Variants in BFSP2 observed in about 807,000 individuals in gnomAD.
BFSP2 encodes the protein beaded filament structural protein 2, also known as phakinin.
In BFSP2, 38 loss-of-function variants were observed where a neutral mutation model predicts 44.9. The observed-to-expected ratio is 0.85, with a 90% CI of 0.65 to 1.11. The LOEUF is 1.11. Ranked by LOEUF, BFSP2 falls within the 50% of genes least tolerant of loss-of-function variation. The probability of loss-of-function intolerance (pLI) is 0.00; values close to 1 mark genes in which losing one functional copy is unlikely to be tolerated. For missense variants in BFSP2, 525 were observed against 533.0 expected, an observed-to-expected ratio of 0.99 and a Z score of 0.15; for synonymous variants, 197 against 209.9, an observed-to-expected ratio of 0.94 and a Z score of 0.53.
At chr3:133,474,891 C>T (rs1324003760) in intron 6 of BFSP2, 78 bp from the exon 7 acceptor site, 4 of 1,572,282 alleles carry the variant, frequency 2.5e-6, no homozygotes, top group Non-Finnish European at 3.5e-6. Flanking sequence ...AGATGGCCCC[C>T]TTTCTCGTAA....
intron 1 of BFSP2, among the ~76,000 whole-genome samples, chr3:133,433,485 T>C (rs1190555942): frequency 1.3e-5 from 2 of 152,276 alleles, no homozygotes; most frequent in East Asian, 3.9e-4. Flanking sequence ...CTCGAGGATT[T>C]GCCCCCACCC....
At chr3:133,423,336 G>A (rs1386471589) in intron 1 of BFSP2, among the ~76,000 whole-genome samples, 1 of 152,122 alleles carries the variant, frequency 6.6e-6, no homozygotes, top group East Asian at 1.9e-4. Context: ...CCAACGTCCT[G>A]TACTATTCAC....
At chr3:133,429,111 A>C (rs1195927389) in intron 1 of BFSP2, among the ~76,000 whole-genome samples, 2 of 143,038 alleles carry the variant, frequency 1.4e-5, no homozygotes, top group African/African-American at 2.6e-5. Context: ...TTCCACCCCC[A>C]CCCCCCCAGA....
At chr3:133,407,477 TTTTAAAA>T (rs2073414204) in intron 1 of BFSP2, among the ~76,000 whole-genome samples, 1 of 152,194 alleles carries the variant, frequency 6.6e-6, no homozygotes, top group South Asian at 2.1e-4. Context: ...CAATCCTAAT[TTTTAAAA>T]TTCCATTTTT....
At chr3:133,425,946 G>C (rs553859746) in intron 1 of BFSP2, among the ~76,000 whole-genome samples, 9 of 2,702 alleles carry the variant, frequency 3.3e-3, no homozygotes, top group African/African-American at 0.012. Flanking sequence ...CAAGGGAAGG[G>C]AGGGGAGGGG....
At chr3:133,411,119 A>T (rs906461953) in intron 1 of BFSP2, among the ~76,000 whole-genome samples, 49 of 152,134 alleles carry the variant, frequency 3.2e-4, no homozygotes, top group African/African-American at 1.1e-3. Context: ...TTTTAAAAGA[A>T]TATTATTAAG....
Position 133,472,461 on chromosome 3 carries a change from G to A in BFSP2, c.1140G>A (p.Glu380=). ...LEAELREIRA[E]AEQQQQERAH... is the part of the protein sequence containing the mutation. ...CGGAGCTCAGGGAAATCCGAGCGGA[G>A]GCGGAGCAGCAGCAACAGGAGCGCG... The change falls in exon 6 of 7, where the codon GAG becomes GAA. Residue 380 remains glutamate, a synonymous_variant. Coordinates refer to ENST00000302334, the MANE Select transcript of BFSP2 (RefSeq NM_003571.4). The A allele has an allele frequency of 6.2e-7, 1 of 1,614,046 alleles. No individual in the cohort carries two copies. Among genetic ancestry groups the A allele is most frequent in the Non-Finnish European group, 8.5e-7 (1 of 1,180,036 alleles).
intron 4 of BFSP2, among the ~76,000 whole-genome samples, chr3:133,459,967 A>T (rs1275423564): frequency 1.3e-5 from 2 of 151,940 alleles, no homozygotes; most frequent in African/African-American, 4.9e-5. Flanking sequence ...AGCACATTCT[A>T]GGTGTAAAAA....
intron 3 of BFSP2, chr3:133,449,006 G>A: frequency 4.0e-6 from 1 of 248,762 alleles, no homozygotes; most frequent in Non-Finnish European, 7.9e-6. Context: ...CAACTCTGAG[G>A]GTAGATCCAA....
chr3:133,459,019 AT>A (rs2074038388), intron 4 of BFSP2, among the ~76,000 whole-genome samples: 2 of 152,176 alleles, frequency 1.3e-5, no homozygotes, highest in South Asian at 4.2e-4. Context: ...TACCTTAGAT[AT>A]TTTTTAACAG....
intron 1 of BFSP2, among the ~76,000 whole-genome samples, chr3:133,430,967 G>A (rs2073710418): frequency 6.6e-6 from 1 of 152,036 alleles, no homozygotes; most frequent in African/African-American, 2.4e-5. Context: ...CTCTTAAAAA[G>A]GTGGCTGGAG....
intron 1 of BFSP2, among the ~76,000 whole-genome samples, chr3:133,416,548 T>C (rs1246293172): frequency 1.2e-4 from 15 of 127,356 alleles, no homozygotes; most frequent in South Asian, 2.9e-4. Context: ...CATCCCTCTA[T>C]ACACCCTGCC....
intron 4 of BFSP2, among the ~76,000 whole-genome samples, chr3:133,456,376 C>T (rs1056462603): frequency 3.3e-5 from 5 of 152,134 alleles, no homozygotes; most frequent in Non-Finnish European, 7.3e-5. Context: ...CATCTAAAGC[C>T]GGGCCATCTA....
intron 1 of BFSP2, among the ~76,000 whole-genome samples, chr3:133,432,177 A>G (rs1228268233): frequency 6.6e-6 from 1 of 152,160 alleles, no homozygotes; most frequent in African/African-American, 2.4e-5. Flanking sequence ...ATGGGCTTCT[A>G]AAACCTATAA....
intron 5 of BFSP2, 111 bp from the exon 6 acceptor site, chr3:133,472,234 C>A (rs1446891613): frequency 7.3e-6 from 9 of 1,231,666 alleles, no homozygotes; most frequent in Non-Finnish European, 1.0e-5. Flanking sequence ...GTCCCTGCCA[C>A]GAGGGGAATA....
chr3:133,415,564 GCCCCC>G, intron 1 of BFSP2, among the ~76,000 whole-genome samples: 1 of 30,320 alleles, frequency 3.3e-5, no homozygotes, highest in Non-Finnish European at 6.2e-5. Flanking sequence ...ACTCACCCCT[GCCCCC>G]TCCGCTCTAC....
intron 1 of BFSP2, among the ~76,000 whole-genome samples, chr3:133,446,608 A>AAAGGAG (rs2073902228): frequency 2.1e-5 from 1 of 46,706 alleles, no homozygotes; most frequent in African/African-American, 9.8e-5. Context: ...ATATATATAT[A>AAAGGAG]TATATATATA....
chr3:133,453,074 A>G (rs1431051793), intron 4 of BFSP2, among the ~76,000 whole-genome samples: 3 of 152,212 alleles, frequency 2.0e-5, no homozygotes, highest in Admixed American at 6.5e-5. Flanking sequence ...AGCTTGGCCA[A>G]TGCTGCCTGG....
chr3:133,439,672 G>T (rs1292265399), intron 1 of BFSP2, among the ~76,000 whole-genome samples: 1 of 152,200 alleles, frequency 6.6e-6, no homozygotes, highest in Non-Finnish European at 1.5e-5. Context: ...CTGGAAGCTA[G>T]AAAGGCCTGA....
Sources: gnomAD v4.1 joint callset for allele counts (sites outside exome capture counted in the v4.1 genomes callset) on GRCh38, gnomAD v4.1.1 for gene constraint, MANE v1.5 for transcripts, NCBI Gene and HGNC (gene_info 2026-07-23, HGNC 2026-07-21) for gene names.